The following RPS6KC1 variants were observed in gnomAD, a reference collection of about 807,000 sequenced individuals.
RPS6KC1 encodes inactive ribosomal protein S6 kinase delta-1.
In RPS6KC1, 54 loss-of-function variants were observed where a neutral mutation model predicts 103.8. The ratio of observed to expected loss-of-function variants is 0.52; its 90% CI spans 0.42 to 0.65. The LOEUF is 0.65. Ranked by LOEUF, RPS6KC1 falls within the 30% of genes least tolerant of loss-of-function variation. The pLI, the probability that RPS6KC1 is intolerant of heterozygous loss-of-function variation, is 0.00. For missense variants in RPS6KC1, 1,151 were observed against 1,253.8 expected (o/e 0.92, Z 1.24); for synonymous variants, 439 against 438.7 (o/e 1.00, Z -0.01).
At chr1:213,712,563 GA>G in the RPS6KC1 span, among the ~76,000 whole-genome samples, 5 of 152,152 alleles carry the variant, frequency 3.3e-5, no homozygotes, top group East Asian at 1.9e-4. Context: ...ACTGGGATAT[GA>G]AAAAAACTCC....
At chr1:213,229,308 A>AT (rs967998413) in intron 8 of RPS6KC1, among the ~76,000 whole-genome samples, 25 of 151,410 alleles carry the variant, frequency 1.7e-4, no homozygotes, top group Non-Finnish European at 2.5e-4. Flanking sequence ...AAATTCTTCT[A>AT]TTTTTTTCAA....
At chr1:213,532,224 G>A in the RPS6KC1 span, among the ~76,000 whole-genome samples, 3 of 152,094 alleles carry the variant, frequency 2.0e-5, no homozygotes, top group South Asian at 2.1e-4. Flanking sequence ...CAGAAGGGGT[G>A]GGGAGCGGCC....
At chr1:213,368,887 A>G in the RPS6KC1 span, among the ~76,000 whole-genome samples, 2 of 152,348 alleles carry the variant, frequency 1.3e-5, no homozygotes, top group South Asian at 2.1e-4. Context: ...TATGTGCAAG[A>G]TGAAGTAGGA....
At chr1:213,324,757 G>A in the RPS6KC1 span, among the ~76,000 whole-genome samples, 1 of 152,034 alleles carries the variant, frequency 6.6e-6, no homozygotes, top group African/African-American at 2.4e-5. Context: ...GAGGGGGTTG[G>A]AGGATAGTGA....
intron 1 of RPS6KC1, among the ~76,000 whole-genome samples, chr1:213,068,429 AG>A (rs1200012162): frequency 2.2e-5 from 3 of 134,468 alleles, no homozygotes; most frequent in African/African-American, 8.4e-5. Context: ...GGTTGCAGTG[AG>A]CCAAGATCGC....
chr1:213,207,125 T>G (rs1051025156), intron 8 of RPS6KC1, among the ~76,000 whole-genome samples: 54 of 152,096 alleles, frequency 3.6e-4, no homozygotes, highest in Non-Finnish European at 1.8e-4. Context: ...TATATATAGC[T>G]TCTGTGGAAT....
chr1:213,470,163 A>G, the RPS6KC1 span, among the ~76,000 whole-genome samples: 1 of 152,226 alleles, frequency 6.6e-6, no homozygotes, highest in Admixed American at 6.5e-5. Flanking sequence ...GAAGGATCCA[A>G]GCAAGGTTCA....
chr1:213,418,824 C>T, the RPS6KC1 span, among the ~76,000 whole-genome samples: 1 of 152,188 alleles, frequency 6.6e-6, no homozygotes, highest in Non-Finnish European at 1.5e-5. Context: ...CGTTTTCTAG[C>T]CCTCTCAGGT....
chr1:213,369,934 AT>A, the RPS6KC1 span, among the ~76,000 whole-genome samples: 4,701 of 152,176 alleles, frequency 0.031, 256 homozygotes, highest in African/African-American at 0.11. Context: ...CCAGCCTGCA[AT>A]TTTCCTCAAG....
chr1:213,838,690 G>T, the RPS6KC1 span, among the ~76,000 whole-genome samples: 1 of 152,182 alleles, frequency 6.6e-6, no homozygotes, highest in Non-Finnish European at 1.5e-5. Flanking sequence ...AAGTTCTACA[G>T]CCTCCAAATT....
chr1:213,360,807 G>A, the RPS6KC1 span, among the ~76,000 whole-genome samples: 1 of 152,204 alleles, frequency 6.6e-6, no homozygotes, highest in Non-Finnish European at 1.5e-5. Context: ...ATCTGTTGGA[G>A]TTTGCTGGAG....
chr1:213,549,612 CTTTTTTTTTTTTT>C, the RPS6KC1 span, among the ~76,000 whole-genome samples: 5 of 86,914 alleles, frequency 5.8e-5, no homozygotes, highest in African/African-American at 2.4e-4. Flanking sequence ...TTTTCTTTTC[CTTTTTTTTTTTTT>C]TTTTTTTTTT....
the RPS6KC1 span, among the ~76,000 whole-genome samples, chr1:213,526,464 G>A: frequency 1.3e-5 from 2 of 152,228 alleles, no homozygotes; most frequent in African/African-American, 2.4e-5. Context: ...AGCTGTCTGG[G>A]TGAAGCATAG....
chr1:213,612,838 T>C, the RPS6KC1 span, among the ~76,000 whole-genome samples: 1 of 152,228 alleles, frequency 6.6e-6, no homozygotes, highest in Non-Finnish European at 1.5e-5. Flanking sequence ...AGAGAAGGTG[T>C]ACATATCTTT....
chr1:213,145,968 T>G (rs1006718207), intron 6 of RPS6KC1, among the ~76,000 whole-genome samples: 8 of 26,056 alleles, frequency 3.1e-4, no homozygotes, highest in East Asian at 3.0e-3. Context: ...ATTCATTCTG[T>G]TTTTTTTTTT....
the RPS6KC1 span, among the ~76,000 whole-genome samples, chr1:213,464,577 A>G: frequency 6.6e-6 from 1 of 152,044 alleles, no homozygotes; most frequent in African/African-American, 2.4e-5. Flanking sequence ...TTCTGAGTGT[A>G]TCTTCATTAA....
chr1:213,734,830 C>A, the RPS6KC1 span, among the ~76,000 whole-genome samples: 1 of 152,208 alleles, frequency 6.6e-6, no homozygotes, highest in African/African-American at 2.4e-5. Flanking sequence ...GGCACAAGGT[C>A]ATGGTTTTGA....
Position 213,149,392 on chromosome 1 carries a change from T to C in RPS6KC1, c.836-18466T>C, listed in dbSNP as rs535052545. ...TAAGAAATTTTCAGTTCTTTACTTC[T>C]TCATTTACTCACTGGTCATTCAGGA... On this transcript the variant is annotated intron_variant, in intron 6 of 14. Coordinates refer to ENST00000366960, the MANE Select transcript of RPS6KC1 (RefSeq NM_012424.6). 1.2e-4 allele frequency among the ~76,000 whole-genome samples: 19 copies of C among 152,368 alleles called. 1 individual carries two copies. The highest frequency in any genetic ancestry group is 1.9e-4 in the African/African-American group (8 of 41,598).
chr1:213,853,946 GAGA>G, the RPS6KC1 span, among the ~76,000 whole-genome samples: 3 of 152,194 alleles, frequency 2.0e-5, no homozygotes, highest in Non-Finnish European at 4.4e-5. Flanking sequence ...CACCAGCATT[GAGA>G]AGAAGGTGAC....
Sources: gnomAD v4.1 joint callset for allele counts (sites outside exome capture counted in the v4.1 genomes callset) on GRCh38, gnomAD v4.1.1 for gene constraint, MANE v1.5 for transcripts, NCBI Gene and HGNC (gene_info 2026-07-23, HGNC 2026-07-21) for gene names.